ASTN2: variants seen among roughly 807,000 people sequenced by gnomAD.
ASTN2 encodes astrotactin 2.
A neutral mutation model predicts 139.8 loss-of-function variants in ASTN2; 54 were observed. The observed-to-expected ratio is 0.39, with a 90% CI of 0.31 to 0.48. The LOEUF (loss-of-function observed/expected upper bound fraction) is 0.48, where lower values mean the gene tolerates loss of function less well. ASTN2 is among the 20% of genes least tolerant of loss of function. The pLI, the probability that ASTN2 is intolerant of heterozygous loss-of-function variation, is 0.95. For missense variants in ASTN2, 1,565 were observed against 1,725.1 expected, an observed-to-expected ratio of 0.91 and a Z score of 1.64; for synonymous variants, 756 against 719.5, an observed-to-expected ratio of 1.05 and a Z score of -0.81.
chr9:117,046,467 T>C (rs1005002707), intron 5 of ASTN2, among the ~76,000 whole-genome samples: 1 of 152,146 alleles, frequency 6.6e-6, no homozygotes, highest in African/African-American at 2.4e-5. Flanking sequence ...AAATAGGAGA[T>C]CATAATTACA....
intron 13 of ASTN2, among the ~76,000 whole-genome samples, chr9:116,735,973 A>G (rs919407856): frequency 2.6e-5 from 4 of 152,224 alleles, no homozygotes; most frequent in African/African-American, 9.6e-5. Context: ...ACCAGACACA[A>G]TTGGCAGTAC....
intron 5 of ASTN2, among the ~76,000 whole-genome samples, chr9:117,061,523 CA>C (rs1839292395): frequency 6.6e-6 from 1 of 152,074 alleles, no homozygotes; most frequent in Non-Finnish European, 1.5e-5. Context: ...TGTCTGTTTC[CA>C]GGTGCTCTTT....
At chr9:116,744,092 G>C (rs1050537626) in intron 13 of ASTN2, among the ~76,000 whole-genome samples, 2 of 152,132 alleles carry the variant, frequency 1.3e-5, no homozygotes, top group Non-Finnish European at 2.9e-5. Context: ...TAACAAGGGA[G>C]AGGGCAGAAA....
chr9:117,220,294 C>G (rs1832471933), intron 2 of ASTN2, among the ~76,000 whole-genome samples: 1 of 152,034 alleles, frequency 6.6e-6, no homozygotes, highest in Non-Finnish European at 1.5e-5. Flanking sequence ...TGCTCATTCC[C>G]CAGCTCCCCA....
At chr9:117,072,436 T>C (rs16934278) in intron 5 of ASTN2, among the ~76,000 whole-genome samples, 20,647 of 152,170 alleles carry the variant, frequency 0.14, 1,439 homozygotes, top group East Asian at 0.19. Context: ...TTTGCAAGTG[T>C]TTTGGATGCG....
intron 1 of ASTN2, among the ~76,000 whole-genome samples, chr9:117,378,608 C>T (rs886491325): frequency 6.6e-6 from 1 of 152,132 alleles, no homozygotes; most frequent in Non-Finnish European, 1.5e-5. Flanking sequence ...GGGAGAAAAC[C>T]AGACTGAGTG....
chr9:117,064,231 G>A (rs12349133), intron 5 of ASTN2, among the ~76,000 whole-genome samples: 6,290 of 151,940 alleles, frequency 0.041, 348 homozygotes, highest in African/African-American at 0.13. Context: ...CTGTTATCAC[G>A]GTCCAGCCAG....
chr9:117,016,608 ATCTATATCTATCT>A (rs1837688488), intron 6 of ASTN2, among the ~76,000 whole-genome samples: 1 of 11,146 alleles, frequency 9.0e-5, no homozygotes, highest in Non-Finnish European at 1.9e-4. Flanking sequence ...ATATATCTAT[ATCTATATCTATCT>A]ATCTATATAT....
chr9:117,143,816 G>GA (rs146200139), intron 3 of ASTN2, among the ~76,000 whole-genome samples: 18,808 of 146,848 alleles, frequency 0.13, 1,411 homozygotes, highest in Non-Finnish European at 0.18. Context: ...AAGAGAGAGA[G>GA]AAAAAAAAAA....
chr9:116,583,559 G>A (rs890256737), intron 19 of ASTN2: 1 of 151,530 alleles, frequency 6.6e-6, no homozygotes, highest in Non-Finnish European at 1.5e-5. Context: ...TGAGACTGTG[G>A]CAGACATAGA....
At chr9:117,035,738 C>T (rs1323355272) in intron 6 of ASTN2, among the ~76,000 whole-genome samples, 1 of 152,082 alleles carries the variant, frequency 6.6e-6, no homozygotes, top group Non-Finnish European at 1.5e-5. Flanking sequence ...ATTGGGATTA[C>T]CAGACAGCCA....
intron 1 of ASTN2, among the ~76,000 whole-genome samples, chr9:117,398,400 G>A (rs10983645): frequency 0.07 from 10,628 of 152,268 alleles, 669 homozygotes; most frequent in South Asian, 0.18. Context: ...TGCATGTTTT[G>A]TTCAGATGAA....
At chr9:117,147,110 GTGT>G (rs1830215549) in intron 3 of ASTN2, among the ~76,000 whole-genome samples, 2 of 152,260 alleles carry the variant, frequency 1.3e-5, no homozygotes, top group East Asian at 3.9e-4. Flanking sequence ...AAAGGCATAA[GTGT>G]TGTATGGGTT....
intron 1 of ASTN2, among the ~76,000 whole-genome samples, chr9:117,339,969 A>C (rs1010751895): frequency 1.3e-5 from 2 of 151,826 alleles, no homozygotes; most frequent in African/African-American, 4.8e-5. Flanking sequence ...TTTAGATGGG[A>C]ACTGAGGCCT....
At chr9:116,859,657 A>AG (rs1832827036) in intron 11 of ASTN2, among the ~76,000 whole-genome samples, 6 of 152,218 alleles carry the variant, frequency 3.9e-5, no homozygotes, top group Admixed American at 1.3e-4. Flanking sequence ...GTGTTCTAAA[A>AG]GGGGTCCCAT....
At chr9:116,764,291 C>G (rs1272012518) in intron 13 of ASTN2, among the ~76,000 whole-genome samples, 2 of 152,230 alleles carry the variant, frequency 1.3e-5, no homozygotes, top group African/African-American at 4.8e-5. Flanking sequence ...GTATGACCCA[C>G]AACCATGACT....
intron 10 of ASTN2, among the ~76,000 whole-genome samples, chr9:116,972,606 A>T (rs1232760104): frequency 6.6e-6 from 1 of 152,166 alleles, no homozygotes; most frequent in Non-Finnish European, 1.5e-5. Context: ...TATTCTCACT[A>T]TAAAAATATG....
intron 20 of ASTN2, among the ~76,000 whole-genome samples, chr9:116,466,603 G>T (rs995497993): frequency 2.6e-5 from 4 of 152,128 alleles, no homozygotes; most frequent in Non-Finnish European, 4.4e-5. Flanking sequence ...GTAAGATGAG[G>T]CAATGCAGGG....
chr9:116,803,481 AATATATATATATATAT>A (rs1168011369), intron 13 of ASTN2, among the ~76,000 whole-genome samples: 112 of 80,074 alleles, frequency 1.4e-3, no homozygotes, highest in Non-Finnish European at 1.7e-3. Flanking sequence ...AAGTTCGAAT[AATATATATATATATAT>A]ATATATATAT....
Sources: allele counts gnomAD v4.1 joint callset (sites outside exome capture counted in the v4.1 genomes callset), GRCh38; gene constraint gnomAD v4.1.1; transcripts MANE v1.5; gene names NCBI Gene and HGNC (gene_info 2026-07-23, HGNC 2026-07-21).